XPR1: variants seen among roughly 807,000 people sequenced by gnomAD.
The protein encoded by XPR1 is xenotropic and polytropic retrovirus receptor 1.
In XPR1, 28 loss-of-function variants were observed where a neutral mutation model predicts 87.5. The ratio of observed to expected loss-of-function variants is 0.32; its 90% CI spans 0.24 to 0.44. The LOEUF is 0.44. Ranked by LOEUF, XPR1 falls within the 20% of genes least tolerant of loss-of-function variation. The probability of loss-of-function intolerance (pLI) is 1.00; values close to 1 mark genes in which losing one functional copy is unlikely to be tolerated. For missense variants in XPR1, 559 were observed against 862.3 expected (o/e 0.65, Z 4.41); for synonymous variants, 300 against 306.1 (o/e 0.98, Z 0.21).
At chr1:180,649,325 G>C (rs970315473) in intron 1 of XPR1, among the ~76,000 whole-genome samples, 1 of 151,910 alleles carries the variant, frequency 6.6e-6, no homozygotes, top group Admixed American at 6.6e-5. Flanking sequence ...CCAGCTACTC[G>C]GGAGGCTGAG....
chr1:180,805,421 G>A (rs1025027023), intron 4 of XPR1, among the ~76,000 whole-genome samples: 1 of 152,118 alleles, frequency 6.6e-6, no homozygotes, highest in Non-Finnish European at 1.5e-5. Flanking sequence ...AGAAATTGAG[G>A]AAAAATAGGG....
At chr1:180,703,007 G>A (rs554984549) in intron 2 of XPR1, among the ~76,000 whole-genome samples, 1 of 152,094 alleles carries the variant, frequency 6.6e-6, no homozygotes, top group Non-Finnish European at 1.5e-5. Flanking sequence ...TTGATTCTGG[G>A]TAGGGCAGTA....
intron 3 of XPR1, among the ~76,000 whole-genome samples, chr1:180,796,051 A>G (rs1158674762): frequency 6.6e-6 from 1 of 151,826 alleles, no homozygotes; most frequent in Non-Finnish European, 1.5e-5. Flanking sequence ...CTCGTGATCC[A>G]CTCACCTCGG....
chr1:180,692,021 T>C (rs1030798262), intron 2 of XPR1, among the ~76,000 whole-genome samples: 1 of 152,196 alleles, frequency 6.6e-6, no homozygotes, highest in African/African-American at 2.4e-5. Flanking sequence ...GTTTCCACTT[T>C]GTTATCCTGC....
intron 11 of XPR1, among the ~76,000 whole-genome samples, chr1:180,858,013 T>G (rs1160525370): frequency 6.6e-6 from 1 of 152,058 alleles, no homozygotes; most frequent in African/African-American, 2.4e-5. Context: ...GGTTGGGAGT[T>G]TGAGACCAGC....
chr1:180,695,508 A>G (rs1471372402), intron 2 of XPR1, among the ~76,000 whole-genome samples: 1 of 152,026 alleles, frequency 6.6e-6, no homozygotes, highest in Non-Finnish European at 1.5e-5. Context: ...ATGTTTTCTC[A>G]GACCAATGTT....
chr1:180,833,289 G>A (rs555444823), intron 9 of XPR1, among the ~76,000 whole-genome samples: 1 of 152,132 alleles, frequency 6.6e-6, no homozygotes, highest in Non-Finnish European at 1.5e-5. Flanking sequence ...AAATAACTAG[G>A]TAGTGTCATA....
At chr1:180,777,099 G>A (rs1195902428) in intron 2 of XPR1, among the ~76,000 whole-genome samples, 1 of 152,188 alleles carries the variant, frequency 6.6e-6, no homozygotes, top group African/African-American at 2.4e-5. Context: ...CAGGCCTAGA[G>A]TGTTACTTGC....
chr1:180,848,016 G>A (rs1651742270), intron 11 of XPR1, among the ~76,000 whole-genome samples: 1 of 152,056 alleles, frequency 6.6e-6, no homozygotes, highest in African/African-American at 2.4e-5. Context: ...TAAAGCTGTA[G>A]TCTAATGTTA....
In XPR1 at chr1:180,814,032, T is replaced by C. The variant is rs1038352187; in HGVS notation, c.763+2544T>C. Among the ~76,000 whole-genome samples, 64 of 152,228 alleles carry C rather than the reference T, an allele frequency of 4.2e-4. 3 individuals carry two copies. The highest frequency in any genetic ancestry group is 4.4e-5 in the Non-Finnish European group (3 of 68,014). ...ATTCTTGATTGCAGGGACTATGTAT[T>C]GTTGCATTTTAAGTTCCCAACACAT... On this transcript the variant is annotated intron_variant, in intron 7 of 14. Transcript: ENST00000367590.
At chr1:180,842,933 G>A (rs1451591628) in intron 11 of XPR1, among the ~76,000 whole-genome samples, 1 of 152,134 alleles carries the variant, frequency 6.6e-6, no homozygotes, top group African/African-American at 2.4e-5. Context: ...AAAATACTTG[G>A]AACAAAGAGG....
At chr1:180,715,696 G>A (rs1571759213) in intron 2 of XPR1, among the ~76,000 whole-genome samples, 1 of 151,356 alleles carries the variant, frequency 6.6e-6, no homozygotes, top group Non-Finnish European at 1.5e-5. Flanking sequence ...TTTTTTTTGA[G>A]ATAGAGTTTC....
intron 2 of XPR1, among the ~76,000 whole-genome samples, chr1:180,736,293 C>T (rs969453074): frequency 6.6e-6 from 1 of 152,138 alleles, no homozygotes; most frequent in Non-Finnish European, 1.5e-5. Context: ...GAAATAATTA[C>T]AGTGAGAGGA....
rs550885127 is a variant in XPR1, at chr1:180,697,160, G to A, written c.121+14749G>A. Reference sequence around the variant, plus strand: ...TATTACTGATTCAGTCTTACTACTCGTTATTGGTCTTTTCAGGTTTTCTGT... The same window carrying A: ...TATTACTGATTCAGTCTTACTACTCATTATTGGTCTTTTCAGGTTTTCTGT... On this transcript the variant is annotated intron_variant, in intron 2 of 14. Transcript: ENST00000367590. Among the ~76,000 whole-genome samples, 13 of 152,210 alleles carry A rather than the reference G, an allele frequency of 8.5e-5. 1 individual carries two copies. The South Asian group carries it at 2.3e-3, about 27-fold the overall frequency.
chr1:180,681,233 T>G (rs1336303395), intron 1 of XPR1, among the ~76,000 whole-genome samples: 2 of 152,176 alleles, frequency 1.3e-5, no homozygotes, highest in African/African-American at 4.8e-5. Flanking sequence ...CACAAAAAAA[T>G]TATAGATGTT....
chr1:180,838,294 C>T lies in XPR1; in HGVS notation c.1501+1578C>T, dbSNP rs180879710. ...ATGAAGGTCATCTATGTCATCTTCA[C>T]ATTGTGTAGGCTGAGGAGGAGGAGG... On this transcript the variant is annotated intron_variant, in intron 11 of 14. Coordinates refer to ENST00000367590, the MANE Select transcript of XPR1 (RefSeq NM_004736.4). Among the ~76,000 whole-genome samples the T allele has an allele frequency of 4.9e-3, 744 of 152,032 alleles. 2 individuals are homozygous for T. The highest frequency in any genetic ancestry group is 8.8e-3 in the Non-Finnish European group (601 of 67,984).
intron 2 of XPR1, among the ~76,000 whole-genome samples, chr1:180,759,700 G>A (rs548317633): frequency 6.6e-6 from 1 of 152,188 alleles, no homozygotes; most frequent in African/African-American, 2.4e-5. Flanking sequence ...GGAGGAGCTG[G>A]TACCATTCCT....
chr1:180,638,515 A>G (rs766850134), intron 1 of XPR1, among the ~76,000 whole-genome samples: 1 of 152,184 alleles, frequency 6.6e-6, no homozygotes, highest in African/African-American at 2.4e-5. Context: ...AGTAAATGCT[A>G]AAAGAAGCCA....
intron 2 of XPR1, among the ~76,000 whole-genome samples, chr1:180,770,512 G>A (rs1648474303): frequency 6.6e-6 from 1 of 152,102 alleles, no homozygotes; most frequent in African/African-American, 2.4e-5. Context: ...TCATATTGGG[G>A]ATTAAGTCTT....
Sources: allele counts gnomAD v4.1 joint callset (sites outside exome capture counted in the v4.1 genomes callset), GRCh38; gene constraint gnomAD v4.1.1; transcripts MANE v1.5; gene names NCBI Gene and HGNC (gene_info 2026-07-23, HGNC 2026-07-21).